Variants in ENTREP2 observed in about 807,000 individuals in gnomAD.
ENTREP2 encodes the protein protein ENTREP2.
the ENTREP2 span, among the ~76,000 whole-genome samples, chr15:29,636,806 A>C: frequency 6.6e-6 from 1 of 152,182 alleles, no homozygotes; most frequent in Non-Finnish European, 1.5e-5. Context: ...AATATAGCTA[A>C]ATATATTCCA....
the ENTREP2 span, chr15:29,128,854 A>G: frequency 7.7e-6 from 12 of 1,550,276 alleles, no homozygotes; most frequent in East Asian, 2.2e-4. Flanking sequence ...CTGCTGACCT[A>G]TACTTGTAAC....
the ENTREP2 span, chr15:29,123,730 G>T: frequency 1.4e-6 from 2 of 1,422,632 alleles, no homozygotes; most frequent in Non-Finnish European, 1.9e-6. Flanking sequence ...AGAAAAGCCT[G>T]CTCGGGAGGA....
At chr15:29,318,962 A>G in the ENTREP2 span, among the ~76,000 whole-genome samples, 1 of 152,206 alleles carries the variant, frequency 6.6e-6, no homozygotes, top group Non-Finnish European at 1.5e-5. Context: ...AAGAGAAGCC[A>G]ATTTGTTTAC....
At chr15:29,455,424 C>T in the ENTREP2 span, among the ~76,000 whole-genome samples, 28 of 152,314 alleles carry the variant, frequency 1.8e-4, no homozygotes, top group African/African-American at 5.3e-4. Flanking sequence ...GCATTTGATA[C>T]CTAATACAGC....
the ENTREP2 span, among the ~76,000 whole-genome samples, chr15:29,200,698 A>C: frequency 1.3e-5 from 2 of 151,884 alleles, no homozygotes; most frequent in African/African-American, 2.4e-5. Flanking sequence ...AGCTGGGATT[A>C]CAGGTGCCCG....
chr15:29,438,247 T>C, the ENTREP2 span, among the ~76,000 whole-genome samples: 2 of 152,152 alleles, frequency 1.3e-5, no homozygotes, highest in Admixed American at 6.5e-5. Context: ...CCCCAACACA[T>C]AGCAGGCCTC....
At chr15:29,585,532 G>A in the ENTREP2 span, among the ~76,000 whole-genome samples, 1 of 152,238 alleles carries the variant, frequency 6.6e-6, no homozygotes, top group East Asian at 1.9e-4. Context: ...GGAGAAAGTG[G>A]AGCCTTTATA....
chr15:29,494,226 C>T, the ENTREP2 span, among the ~76,000 whole-genome samples: 15 of 151,708 alleles, frequency 9.9e-5, no homozygotes, highest in African/African-American at 1.9e-4. Context: ...TTTAAAAACG[C>T]TTTCCAATAT....
the ENTREP2 span, among the ~76,000 whole-genome samples, chr15:29,366,176 C>T: frequency 2.0e-5 from 3 of 152,128 alleles, no homozygotes; most frequent in East Asian, 3.8e-4. Context: ...CAGGTTCAAG[C>T]GATTCTCCTG....
chr15:29,166,960 A>C, the ENTREP2 span, among the ~76,000 whole-genome samples: 2 of 152,226 alleles, frequency 1.3e-5, no homozygotes, highest in African/African-American at 4.8e-5. Flanking sequence ...TGGTACTAGT[A>C]TAAAAATAAG....
At chr15:29,569,024 C>T in the ENTREP2 span, among the ~76,000 whole-genome samples, 1 of 152,186 alleles carries the variant, frequency 6.6e-6, no homozygotes, top group Non-Finnish European at 1.5e-5. Flanking sequence ...AGGCTGGTTC[C>T]AGCAGACTTA....
chr15:29,137,914 C>G, the ENTREP2 span, among the ~76,000 whole-genome samples: 4 of 151,964 alleles, frequency 2.6e-5, no homozygotes, highest in African/African-American at 9.7e-5. Flanking sequence ...ACCCTCCCCT[C>G]GAAATGTCCC....
the ENTREP2 span, among the ~76,000 whole-genome samples, chr15:29,430,700 G>A: frequency 1.3e-5 from 2 of 152,042 alleles, no homozygotes; most frequent in Non-Finnish European, 1.5e-5. Context: ...GATGGGTGGG[G>A]GAAGGATGGG....
the ENTREP2 span, among the ~76,000 whole-genome samples, chr15:29,509,862 A>G: frequency 3.9e-5 from 6 of 152,208 alleles, no homozygotes; most frequent in Non-Finnish European, 7.4e-5. Flanking sequence ...TCATGACTAA[A>G]ACACCAAAAG....
the ENTREP2 span, among the ~76,000 whole-genome samples, chr15:29,369,474 T>A: frequency 6.6e-6 from 1 of 151,712 alleles, no homozygotes; most frequent in Non-Finnish European, 1.5e-5. Flanking sequence ...AGCAAAACTA[T>A]CCCTCGAAAA....
the ENTREP2 span, among the ~76,000 whole-genome samples, chr15:29,294,341 C>A: frequency 6.6e-6 from 1 of 152,220 alleles, no homozygotes; most frequent in African/African-American, 2.4e-5. Flanking sequence ...TCAACCTCAG[C>A]CCACTCCCTG....
chr15:29,420,888 A>AG, the ENTREP2 span, among the ~76,000 whole-genome samples: 221 of 152,334 alleles, frequency 1.5e-3, no homozygotes, highest in African/African-American at 5.1e-3. Context: ...AGGCATTCTG[A>AG]GGCTGGTCCC....
chr15:29,622,853 C>T, the ENTREP2 span, among the ~76,000 whole-genome samples: 8 of 152,176 alleles, frequency 5.3e-5, no homozygotes, highest in African/African-American at 1.9e-4. Flanking sequence ...TGGAGATGAA[C>T]GAGTCCTTCC....
chr15:29,135,053 T>C, the ENTREP2 span, among the ~76,000 whole-genome samples: 8 of 152,098 alleles, frequency 5.3e-5, no homozygotes, highest in South Asian at 1.7e-3. This position sits in a 1 kb window ranked among gnomAD's most constrained non-coding sequence, Gnocchi z 7.4. Context: ...TGGATGCTTC[T>C]GGTCATGCTG....
Sources: gnomAD v4.1 joint callset for allele counts (sites outside exome capture counted in the v4.1 genomes callset) on GRCh38, gnomAD v4.1.1 for gene constraint, Gnocchi (gnomAD v3.1) non-coding constraint, MANE v1.5 for transcripts, NCBI Gene and HGNC (gene_info 2026-07-23, HGNC 2026-07-21) for gene names.